Variants in LUC7L observed in about 807,000 individuals in gnomAD.
LUC7L encodes LUC7 like.
LUC7L carries 29 observed loss-of-function variants against 51.1 expected under a neutral mutation model. The observed-to-expected ratio is 0.57, with a 90% CI of 0.42 to 0.77. LUC7L has a LOEUF of 0.77. Ranked by LOEUF, LUC7L falls within the 30% of genes least tolerant of loss-of-function variation. The pLI is 0.00. For missense variants in LUC7L, 403 were observed against 511.9 expected, an observed-to-expected ratio of 0.79 and a Z score of 2.05; for synonymous variants, 181 against 180.7, an observed-to-expected ratio of 1.00 and a Z score of -0.01.
At chr16:227,563 T>A in intron 1 of LUC7L, 2 of 1,357,114 alleles carry the variant, frequency 1.5e-6, no homozygotes, top group Non-Finnish European at 1.9e-6. Flanking sequence ...TCTGACTCCA[T>A]CACTGTACCA....
intron 2 of LUC7L, 62 bp downstream of exon 2, chr16:227,180 C>G (rs921593379): frequency 1.5e-6 from 2 of 1,336,790 alleles, no homozygotes; most frequent in East Asian, 4.8e-5. Context: ...ATAGAAAAAC[C>G]GTCACTGCCT....
intron 2 of LUC7L, among the ~76,000 whole-genome samples, chr16:221,114 G>T (rs950897852): frequency 1.3e-5 from 2 of 151,224 alleles, no homozygotes; most frequent in East Asian, 3.9e-4. Context: ...CTGCCTCCGG[G>T]GTTCAGGCAA....
intron 5 of LUC7L, 150 bp downstream of exon 5, chr16:205,854 G>T: frequency 1.2e-6 from 1 of 861,258 alleles, no homozygotes; most frequent in Non-Finnish European, 1.8e-6. Flanking sequence ...CTTCCAAAGT[G>T]CTGGGATGAC....
chr16:223,425 T>C (rs1169429914), intron 2 of LUC7L, among the ~76,000 whole-genome samples: 1 of 152,174 alleles, frequency 6.6e-6, no homozygotes, highest in Non-Finnish European at 1.5e-5. Context: ...CATCCTTCAG[T>C]ATCACCAATA....
At chr16:204,219 G>A (rs755509069) in intron 5 of LUC7L, among the ~76,000 whole-genome samples, 1 of 151,714 alleles carries the variant, frequency 6.6e-6, no homozygotes, top group Non-Finnish European at 1.5e-5. Context: ...CAAGGCAGAC[G>A]GATCACCTGA....
chr16:192,586 C>T (rs937202164), intron 7 of LUC7L, among the ~76,000 whole-genome samples: 1 of 148,356 alleles, frequency 6.7e-6, no homozygotes, highest in Non-Finnish European at 1.5e-5. Context: ...TCACTGCAAC[C>T]TCTGCCTCCC....
At chr16:200,443 T>C (rs72763693) in intron 5 of LUC7L, among the ~76,000 whole-genome samples, 62,351 of 148,114 alleles carry the variant, frequency 0.42, 14,169 homozygotes, top group Non-Finnish European at 0.52. Flanking sequence ...AGCCAGATGG[T>C]GGCAGGCATC....
chr16:212,003 C>T (rs1455546361), intron 3 of LUC7L, among the ~76,000 whole-genome samples: 1 of 152,118 alleles, frequency 6.6e-6, no homozygotes, highest in Non-Finnish European at 1.5e-5. Flanking sequence ...CTCCAAAGAG[C>T]CGCAGAGGGG....
intron 6 of LUC7L, 91 bp from the exon 7 acceptor site, chr16:193,106 T>C (rs933390815): frequency 1.8e-5 from 17 of 969,892 alleles, no homozygotes; most frequent in Non-Finnish European, 2.8e-5. Flanking sequence ...ATGAGCTCAG[T>C]ATTGGTAATT....
Position 206,055 on chromosome 16 carries a change from C to T in LUC7L, c.459G>A (p.Gln153=). Residue 153 remains glutamine, a synonymous_variant, in exon 5 of 10, where the codon CAG becomes CAA. Transcript: ENST00000293872. The part of the protein sequence containing the change: ...LGAEGNVDES[Q]KILMEVEKVR... ...CTTTTTCCACTTCCATAAGAATCTT[C>T]TGGGATTCATCCACATTACCTTCAG... 2 of 1,613,738 alleles carry T rather than the reference C, an allele frequency of 1.2e-6. No homozygotes were observed. Among genetic ancestry groups the T allele is most frequent in the Non-Finnish European group, 1.7e-6 (2 of 1,179,916 alleles).
At chr16:205,628 C>T (rs1431547740) in intron 5 of LUC7L, among the ~76,000 whole-genome samples, 2 of 152,276 alleles carry the variant, frequency 1.3e-5, no homozygotes, top group South Asian at 2.1e-4. Flanking sequence ...CTCGCTCTGT[C>T]GCCCAGGCTG....
chr16:217,022 T>A (rs1168153123), intron 3 of LUC7L, among the ~76,000 whole-genome samples: 1 of 152,016 alleles, frequency 6.6e-6, no homozygotes, highest in African/African-American at 2.4e-5. Flanking sequence ...AAATAGAATT[T>A]TTTTTTTTGA....
At chr16:206,241 A>ATTT (rs1567181348) in intron 4 of LUC7L, 94 bp from the exon 5 acceptor site, 1 of 1,235,222 alleles carries the variant, frequency 8.1e-7, no homozygotes, top group Non-Finnish European at 1.2e-6. Context: ...CCAGTCTGAA[A>ATTT]ATAAGTGGAA....
chr16:228,751 G>A (rs772829671), intron 1 of LUC7L: 5 of 1,267,588 alleles, frequency 3.9e-6, no homozygotes, highest in Non-Finnish European at 4.1e-6. Context: ...TGTGCTGGGG[G>A]GAAGGGGGCA....
chr16:219,166 G>T (rs185647927), intron 3 of LUC7L, among the ~76,000 whole-genome samples: 4 of 151,368 alleles, frequency 2.6e-5, no homozygotes, highest in Non-Finnish European at 5.9e-5. Context: ...CGAGGCAGGC[G>T]GATCACAAGG....
At chr16:190,751 G>C in intron 7 of LUC7L, 181 bp from the exon 8 acceptor site, 1 of 601,670 alleles carries the variant, frequency 1.7e-6, no homozygotes, top group Non-Finnish European at 3.0e-6. Flanking sequence ...GTGGTGGCGG[G>C]TGCCTGTAAT....
At chr16:196,024 G>A (rs905441901) in intron 6 of LUC7L, among the ~76,000 whole-genome samples, 2 of 152,016 alleles carry the variant, frequency 1.3e-5, no homozygotes, top group Non-Finnish European at 2.9e-5. Flanking sequence ...TGCTTCTTAA[G>A]GTAGAAGGGA....
rs773224045 is a variant in LUC7L at position 189,276 on chromosome 16, G to A, written c.1038C>T (p.Pro346=). 7 of 1,613,734 alleles carry A rather than the reference G, an allele frequency of 4.3e-6. No individual in the cohort carries two copies. The South Asian group carries it at 6.6e-5, about 15-fold the overall frequency. The change falls in exon 10 of 10, where the codon CCC becomes CCT. Residue 346 remains proline, a synonymous_variant. Transcript: ENST00000293872. ...TGGAGCTCTCAAGCCTCCAGTCCGG[G>A]GGCCCTCGCTCGCTCCGCCCGCTCT... ...SWESGRSERG[P]PDWRLESSNG...
chr16:211,456 A>G (rs1436134983), intron 3 of LUC7L, among the ~76,000 whole-genome samples: 1 of 152,170 alleles, frequency 6.6e-6, no homozygotes, highest in Non-Finnish European at 1.5e-5. Flanking sequence ...AGACTGGCTC[A>G]AACAGAAAAC....
Sources: gnomAD v4.1 joint callset for allele counts (sites outside exome capture counted in the v4.1 genomes callset) on GRCh38, gnomAD v4.1.1 for gene constraint, MANE v1.5 for transcripts, NCBI Gene and HGNC (gene_info 2026-07-23, HGNC 2026-07-21) for gene names.